Variants in GRM5 observed in about 807,000 individuals in gnomAD.
GRM5 encodes glutamate metabotropic receptor 5.
A neutral mutation model predicts 83.1 loss-of-function variants in GRM5; 19 were observed. The ratio of observed to expected loss-of-function variants is 0.23; its 90% confidence interval spans 0.16 to 0.34. The LOEUF (loss-of-function observed/expected upper bound fraction) is 0.34, where lower values mean the gene tolerates loss of function less well. Ranked by LOEUF, GRM5 falls within the 10% of genes least tolerant of loss-of-function variation. GRM5 has a pLI of 1.00. For synonymous variants in GRM5, 675 were observed against 633.6 expected (o/e 1.07, Z -0.98); for missense variants, 1,160 against 1,588.3 (o/e 0.73, Z 4.58).
intron 3 of GRM5, among the ~76,000 whole-genome samples, chr11:88,738,596 T>C (rs895634649): frequency 6.6e-6 from 1 of 152,098 alleles, no homozygotes; most frequent in African/African-American, 2.4e-5. Context: ...GTGGAATACT[T>C]CTTCTCTTAA....
At chr11:88,701,556 G>A (rs1223273550) in intron 3 of GRM5, among the ~76,000 whole-genome samples, 1 of 152,052 alleles carries the variant, frequency 6.6e-6, no homozygotes, top group African/African-American at 2.4e-5. Flanking sequence ...TATTTTCCCT[G>A]GAAAAGAAAC....
chr11:88,768,105 C>T (rs1335545105), intron 3 of GRM5, among the ~76,000 whole-genome samples: 2 of 151,824 alleles, frequency 1.3e-5, no homozygotes, highest in African/African-American at 4.8e-5. Context: ...ATACCCAAAA[C>T]GTTGAAAACA....
intron 8 of GRM5, among the ~76,000 whole-genome samples, chr11:88,557,531 G>T (rs548436260): frequency 6.6e-6 from 1 of 152,246 alleles, no homozygotes; most frequent in African/African-American, 2.4e-5. Context: ...AAAGCTGGAA[G>T]GTGGTTGGCT....
At chr11:89,002,871 GTCC>G (rs1289413359) in intron 2 of GRM5, among the ~76,000 whole-genome samples, 1 of 151,928 alleles carries the variant, frequency 6.6e-6, no homozygotes, top group African/African-American at 2.4e-5. Flanking sequence ...TTGCTCTAAA[GTCC>G]TCTTCTCAGT....
rs570767826 is a variant in GRM5, at chr11:89,030,963, G to A, written c.661+16249C>T. Among the ~76,000 whole-genome samples the A allele has an allele frequency of 5.9e-5, 9 of 152,142 alleles. 1 individual carries two copies. The South Asian group carries it at 1.9e-3, about 31-fold the overall frequency. ...GATGATTTAAAGAATTATTGGAAGA[G>A]TTGAAATAAAAATTACTTGTAGAGT... On this transcript the variant is annotated intron_variant, in intron 2 of 9. Coordinates refer to ENST00000305447, the MANE Select transcript of GRM5 (RefSeq NM_001143831.3).
At chr11:88,636,068 C>T (rs1396552540) in intron 4 of GRM5, among the ~76,000 whole-genome samples, 7 of 152,172 alleles carry the variant, frequency 4.6e-5, no homozygotes. Context: ...TCTAGAAAGA[C>T]AATTATACCA....
At chr11:88,720,253 C>T (rs987393868) in intron 3 of GRM5, among the ~76,000 whole-genome samples, 17 of 151,916 alleles carry the variant, frequency 1.1e-4, no homozygotes, top group Admixed American at 5.9e-4. Context: ...ATTGTTTTGA[C>T]AATAAATGAG....
chr11:89,052,566 T>C (rs1941783226), intron 1 of GRM5, among the ~76,000 whole-genome samples: 1 of 152,166 alleles, frequency 6.6e-6, no homozygotes, highest in African/African-American at 2.4e-5. Flanking sequence ...ATTGGCTATG[T>C]TTTTGAGTGT....
chr11:88,997,333 T>TAAAAAAAA (rs371168643), intron 2 of GRM5, among the ~76,000 whole-genome samples: 4 of 119,728 alleles, frequency 3.3e-5, no homozygotes, highest in Admixed American at 8.6e-5. Context: ...GTCTCAAAAT[T>TAAAAAAAA]AAAAAAAAAA....
rs1941177428 is a variant in GRM5, at chr11:88,506,156, A to C, written c.*2436T>G. 6.6e-6 allele frequency: 1 copy of C among 152,240 alleles called. No homozygotes were observed. The highest frequency in any genetic ancestry group is 1.5e-5 in the Non-Finnish European group (1 of 68,036). The allele number at this position is 152,240 out of a possible 1,614,324, so 9.4% of individuals were successfully genotyped here. A position where few individuals can be genotyped will look rare whatever the true frequency, so the allele number is the denominator to read the frequency against. ...TTATGATAGCATGTGGAAGTATCAG[A>C]TGGCAATTTACTTGCATTAAATTTA... is the stretch of plus-strand genomic sequence containing the variant. On this transcript the variant is annotated 3_prime_UTR_variant, in exon 10 of 10. Transcript: ENST00000305447.
At chr11:88,849,804 A>G in intron 3 of GRM5, 102 bp downstream of exon 3, 4 of 1,116,968 alleles carry the variant, frequency 3.6e-6, no homozygotes, top group Non-Finnish European at 5.3e-6. Flanking sequence ...CACTGCACAG[A>G]TTAAGCTTTG....
At chr11:88,669,588 C>T (rs951873775) in intron 3 of GRM5, among the ~76,000 whole-genome samples, 1 of 151,912 alleles carries the variant, frequency 6.6e-6, no homozygotes, top group African/African-American at 2.4e-5. Context: ...TACACTATTA[C>T]AAATAACAAA....
At chr11:88,646,656 C>G (rs1048250667) in intron 4 of GRM5, among the ~76,000 whole-genome samples, 2 of 147,360 alleles carry the variant, frequency 1.4e-5, no homozygotes, top group African/African-American at 4.9e-5. Context: ...ATGAAAATTC[C>G]TTTACTGCAT....
intron 4 of GRM5, among the ~76,000 whole-genome samples, chr11:88,613,266 C>A (rs1408321478): frequency 6.6e-6 from 1 of 151,980 alleles, no homozygotes; most frequent in Non-Finnish European, 1.5e-5. Context: ...AGTTTTATGC[C>A]CTGATGATAC....
At chr11:88,587,287 T>C (rs1406497103) in intron 7 of GRM5, among the ~76,000 whole-genome samples, 1 of 151,366 alleles carries the variant, frequency 6.6e-6, no homozygotes, top group East Asian at 1.9e-4. Context: ...TAAGTGGGAG[T>C]TACTCAAGTA....
At chr11:88,794,487 A>AT (rs35678374) in intron 3 of GRM5, among the ~76,000 whole-genome samples, 1 of 152,088 alleles carries the variant, frequency 6.6e-6, no homozygotes, top group Non-Finnish European at 1.5e-5. Flanking sequence ...ATGTGTTTTT[A>AT]TTTTTTAAAA....
intron 2 of GRM5, among the ~76,000 whole-genome samples, chr11:88,921,205 C>T (rs1455428810): frequency 1.3e-5 from 2 of 152,044 alleles, no homozygotes; most frequent in Non-Finnish European, 2.9e-5. Flanking sequence ...GTTCAACATA[C>T]ACAAATCAAT....
At chr11:88,694,869 A>G (rs1328446540) in intron 3 of GRM5, among the ~76,000 whole-genome samples, 1 of 152,162 alleles carries the variant, frequency 6.6e-6, no homozygotes, top group African/African-American at 2.4e-5. Context: ...CTAGGATGCT[A>G]AAGGACATCT....
In GRM5 at chr11:89,034,330, T is replaced by G. The variant is rs571830476; in HGVS notation, c.661+12882A>C. Among the ~76,000 whole-genome samples, 10 of 152,022 alleles carry G rather than the reference T, an allele frequency of 6.6e-5. No homozygotes were observed. In the South Asian group the frequency reaches 2.1e-3, roughly 32 times the overall value. On this transcript the variant is annotated intron_variant, in intron 2 of 9. Transcript: ENST00000305447. ...GAATTACTTACTACACCATCTACGG[T>G]GCTCTAAATGATATAAAATAACATT...
Sources: allele counts gnomAD v4.1 joint callset (sites outside exome capture counted in the v4.1 genomes callset), GRCh38; gene constraint gnomAD v4.1.1; transcripts MANE v1.5; gene names NCBI Gene and HGNC (gene_info 2026-07-23, HGNC 2026-07-21).